Variants in PCDHGB6 observed in about 807,000 individuals in gnomAD.
The protein encoded by PCDHGB6 is protocadherin gamma-B6.
A neutral mutation model predicts 59.1 loss-of-function variants in PCDHGB6; 51 were observed. The ratio of observed to expected loss-of-function variants is 0.86; its 90% CI spans 0.69 to 1.09. The LOEUF (loss-of-function observed/expected upper bound fraction) is 1.09, where lower values mean the gene tolerates loss of function less well. Among genes scored for constraint, PCDHGB6 ranks in the 50% least tolerant of loss-of-function variants. The probability of loss-of-function intolerance (pLI) is 0.00; values close to 1 mark genes in which losing one functional copy is unlikely to be tolerated. For missense variants in PCDHGB6, 1,148 were observed against 1,205.1 expected, an observed-to-expected ratio of 0.95 and a Z score of 0.70; for synonymous variants, 466 against 495.1, an observed-to-expected ratio of 0.94 and a Z score of 0.78.
intron 1 of PCDHGB6, among the ~76,000 whole-genome samples, chr5:141,466,670 G>A (rs994949602): frequency 9.2e-5 from 14 of 152,046 alleles, no homozygotes; most frequent in African/African-American, 2.2e-4. Flanking sequence ...TGATTTCACC[G>A]TTCTTCCACT....
At position 141,477,754 on chromosome 5, in the gene PCDHGB6, C is replaced by T. The variant is rs1325020341; in HGVS notation, c.2419-17053C>T. The T allele has an allele frequency of 3.7e-6, 6 of 1,613,928 alleles. No homozygotes were observed. Among genetic ancestry groups the T allele is most frequent in the Non-Finnish European group, 5.1e-6 (6 of 1,180,046 alleles). On this transcript the variant is annotated intron_variant, in intron 1 of 3. Coordinates refer to ENST00000520790, the MANE Select transcript of PCDHGB6 (RefSeq NM_018926.3). The surrounding 1 kb of genome is among the most constrained non-coding windows in gnomAD (Gnocchi z 4.9). Reference sequence around the variant, plus strand: ...ATATCAGCGATGGGGGCACCCCGGTCCTAGCCACCAACATCAGCGTGAACA... The same window carrying T: ...ATATCAGCGATGGGGGCACCCCGGTTCTAGCCACCAACATCAGCGTGAACA...
chr5:141,488,915 G>A (rs942297924), intron 1 of PCDHGB6, among the ~76,000 whole-genome samples: 12 of 152,180 alleles, frequency 7.9e-5, no homozygotes, highest in Non-Finnish European at 2.9e-5. Flanking sequence ...TGTTCCCAAG[G>A]TTTCCAGGAT....
At chr5:141,448,999 GT>G (rs910018882) in intron 1 of PCDHGB6, among the ~76,000 whole-genome samples, 2 of 151,816 alleles carry the variant, frequency 1.3e-5, no homozygotes, top group African/African-American at 4.8e-5. Context: ...ATAGAAAGCT[GT>G]TTTTTTTAAC....
At position 141,512,967 on chromosome 5, in the gene PCDHGB6, T is replaced by C. The variant is rs2099884538; in HGVS notation, c.*1794T>C. ...CGACAAAAAAATAATAAAACGTTTC[T>C]TCTGAAAAGCTGAACGTTTCTGTAT... On this transcript the variant is annotated 3_prime_UTR_variant, in exon 4 of 4. Transcript: ENST00000520790. The C allele has an allele frequency of 6.6e-6, 1 of 152,260 alleles. No individual in the cohort carries two copies. Among genetic ancestry groups the C allele is most frequent in the South Asian group, 2.1e-4 (1 of 4,832 alleles). The allele number at this position is 152,260 out of a possible 1,614,324, so 9.4% of individuals were successfully genotyped here.
chr5:141,479,342 G>A (rs926832955), intron 1 of PCDHGB6: 1 of 152,486 alleles, frequency 6.6e-6, no homozygotes, highest in Admixed American at 6.5e-5. Flanking sequence ...TGCACCTGTA[G>A]TTCTTGCTGC....
At position 141,412,987 on chromosome 5, in the gene PCDHGB6, A is replaced by G. The variant is rs192699644; in HGVS notation, c.2418+2367A>G. The G allele has an allele frequency of 3.7e-3, 2,104 of 564,638 alleles. 8 individuals carry two copies. Among genetic ancestry groups the G allele is most frequent in the Admixed American group, 0.011 (308 of 27,526 alleles). 35.0% of individuals were successfully genotyped at this position (564,638 alleles called of 1,614,324 possible). ...AGGAGAGAAAACGCAGCCAGAGCTCAATCCGGATTCTCAGGGCTTCAACTA... is the reference window on the plus strand; with the variant it reads ...AGGAGAGAAAACGCAGCCAGAGCTCGATCCGGATTCTCAGGGCTTCAACTA... On this transcript the variant is annotated intron_variant, in intron 1 of 3. Transcript: ENST00000520790.
At chr5:141,436,239 G>T (rs1426798903) in intron 1 of PCDHGB6, among the ~76,000 whole-genome samples, 2 of 152,012 alleles carry the variant, frequency 1.3e-5, no homozygotes, top group South Asian at 2.1e-4. Flanking sequence ...AAGCTAACAT[G>T]GTCTAATTAT....
At chr5:141,460,926 G>A (rs1180507724) in intron 1 of PCDHGB6, among the ~76,000 whole-genome samples, 4 of 145,540 alleles carry the variant, frequency 2.7e-5, no homozygotes, top group African/African-American at 2.6e-5. Flanking sequence ...ATATATATAT[G>A]TGTGTGTGTA....
At chr5:141,413,460 C>T (rs1561742736) in intron 1 of PCDHGB6, 4 of 1,613,974 alleles carry the variant, frequency 2.5e-6, no homozygotes, top group Middle Eastern at 1.6e-4. Context: ...GCAGGATAGA[C>T]CGGGAGGAGC....
chr5:141,450,842 T>TTTTTA, intron 1 of PCDHGB6, among the ~76,000 whole-genome samples: 1 of 148,196 alleles, frequency 6.7e-6, no homozygotes, highest in African/African-American at 2.5e-5. Context: ...TTTTTTTTTT[T>TTTTTA]GAGATGGGGT....
Position 141,491,245 on chromosome 5 carries a change from G to A in PCDHGB6, c.2419-3562G>A, listed in dbSNP as rs1171588507. ...CACAGTGCTGCTGGTTCTGGAGGATGAGGACCCTGAGGAAATGCCCAAATC... is the reference window on the plus strand; with the variant it reads ...CACAGTGCTGCTGGTTCTGGAGGATAAGGACCCTGAGGAAATGCCCAAATC... On this transcript the variant is annotated intron_variant, in intron 1 of 3. Transcript: ENST00000520790. The surrounding 1 kb of genome is among the most constrained non-coding windows in gnomAD (Gnocchi z 6.9). 2 of 1,614,086 alleles carry A rather than the reference G, an allele frequency of 1.2e-6. No individual in the cohort carries two copies. Among genetic ancestry groups the A allele is most frequent in the East Asian group, 4.5e-5 (2 of 44,888 alleles).
Position 141,415,225 on chromosome 5 carries a change from T to C in PCDHGB6, c.2418+4605T>C, listed in dbSNP as rs189700811. On this transcript the variant is annotated intron_variant, in intron 1 of 3. Transcript: ENST00000520790. ...CCTGGCGGACCTCGGCAGCTTCGAG[T>C]CTCCAGCTAACTCTGAAACCTCAGA... 12,267 of 1,614,024 alleles carry C rather than the reference T, an allele frequency of 7.6e-3. 74 individuals carry two copies. Among genetic ancestry groups the C allele is most frequent in the Non-Finnish European group, 9.2e-3 (10,854 of 1,180,002 alleles).
chr5:141,459,044 A>T (rs2098959649), intron 1 of PCDHGB6, among the ~76,000 whole-genome samples: 1 of 152,204 alleles, frequency 6.6e-6, no homozygotes, highest in Non-Finnish European at 1.5e-5. Flanking sequence ...TACCAGCTAT[A>T]TTGAAGTATA....
chr5:141,427,377 A>C, intron 1 of PCDHGB6: 1 of 458,500 alleles, frequency 2.2e-6, no homozygotes, highest in Non-Finnish European at 4.4e-6. Flanking sequence ...GACGGTGATC[A>C]CTCTGTTCAA....
intron 1 of PCDHGB6, among the ~76,000 whole-genome samples, chr5:141,464,263 T>TA (rs35224477): frequency 7.1e-4 from 74 of 103,538 alleles, no homozygotes; most frequent in East Asian, 1.9e-3. Flanking sequence ...AGACTCCGTC[T>TA]AAAAAAAAAA....
chr5:141,422,398 C>T lies in PCDHGB6; in HGVS notation c.2418+11778C>T, dbSNP rs2096646163. On this transcript the variant is annotated intron_variant, in intron 1 of 3. Transcript: ENST00000520790. Reference sequence around the variant, plus strand: ...AGTCTCCTGTTTTATTCCTAACCACCTGCCTTTTAAATTAGAAAAGACTTA... The same window carrying T: ...AGTCTCCTGTTTTATTCCTAACCACTTGCCTTTTAAATTAGAAAAGACTTA... The T allele has an allele frequency of 1.9e-6, 3 of 1,597,634 alleles. No individual in the cohort carries two copies. In the Admixed American group the frequency reaches 5.3e-5, roughly 28 times the overall value.
rs138831045 is a variant in PCDHGB6 at position 141,462,238 on chromosome 5, G to A, written c.2419-32569G>A. Among the ~76,000 whole-genome samples the A allele has an allele frequency of 2.9e-3, 441 of 152,288 alleles. 3 individuals carry two copies. Among genetic ancestry groups the A allele is most frequent in the African/African-American group, 9.9e-3 (412 of 41,566 alleles). On this transcript the variant is annotated intron_variant, in intron 1 of 3. Coordinates refer to ENST00000520790, the MANE Select transcript of PCDHGB6 (RefSeq NM_018926.3). ...GCCTCCCAAAGTGCAGGGATTACAG[G>A]TATGAGCCACCATGACCAGCCTAAA...
Position 141,431,599 on chromosome 5 carries a change from C to T in PCDHGB6, c.2418+20979C>T. On this transcript the variant is annotated intron_variant, in intron 1 of 3. Transcript: ENST00000520790. The surrounding 1 kb of genome is among the most constrained non-coding windows in gnomAD (Gnocchi z 4.8). ...GAGTCAATGCGGAAGTGAGGTATTC[C>T]TTCCGGTATGTGGACGACAAGGCGG... 1 of 1,614,194 alleles carries T rather than the reference C, an allele frequency of 6.2e-7. No individual in the cohort carries two copies. The highest frequency in any genetic ancestry group is 8.5e-7 in the Non-Finnish European group (1 of 1,180,034).
At chr5:141,424,956 T>A (rs1435882776) in intron 1 of PCDHGB6, among the ~76,000 whole-genome samples, 1 of 152,176 alleles carries the variant, frequency 6.6e-6, no homozygotes, top group African/African-American at 2.4e-5. Context: ...TTCTAGGTAT[T>A]TGCCCCAAAT....
Sources: allele counts gnomAD v4.1 joint callset (sites outside exome capture counted in the v4.1 genomes callset), GRCh38; gene constraint gnomAD v4.1.1; non-coding constraint Gnocchi (gnomAD v3.1); transcripts MANE v1.5; gene names NCBI Gene and HGNC (gene_info 2026-07-23, HGNC 2026-07-21).